Variants in PDS5A observed in about 807,000 individuals in gnomAD.
The protein encoded by PDS5A is PDS5 cohesin associated factor A, also known as sister chromatid cohesion protein PDS5 homolog A.
PDS5A carries 42 observed loss-of-function variants against 167.1 expected under a neutral mutation model. The observed-to-expected ratio is 0.25, with a 90% CI of 0.20 to 0.33. The LOEUF is 0.33. Ranked by LOEUF, PDS5A falls within the 10% of genes least tolerant of loss-of-function variation. The pLI is 1.00. For missense variants in PDS5A, 1,033 were observed against 1,605.9 expected (o/e 0.64, Z 6.10); for synonymous variants, 553 against 554.6 (o/e 1.00, Z 0.04).
chr4:39,925,708 T>C (rs1171382934), intron 5 of PDS5A, 128 bp downstream of exon 5: 4 of 372,172 alleles, frequency 1.1e-5, no homozygotes, highest in South Asian at 9.6e-5. Context: ...TTCCCCTTTA[T>C]GTTAAGTTTT....
In PDS5A at chr4:39,935,156, G is replaced by A. The variant is rs544872771; in HGVS notation, c.139-6992C>T. Among the ~76,000 whole-genome samples, 4 of 152,318 alleles carry A rather than the reference G, an allele frequency of 2.6e-5. No individual in the cohort carries two copies. The East Asian group carries it at 7.7e-4, about 29-fold the overall frequency. ...ATTGATTGATTGACTGATTGGGACG[G>A]AGTCTCACTCTGTTGCCTAGGCTGG... On this transcript the variant is annotated intron_variant, in intron 2 of 32. Coordinates refer to ENST00000303538, the MANE Select transcript of PDS5A (RefSeq NM_001100399.2).
At chr4:39,829,615 C>G (rs913095071) in intron 32 of PDS5A, among the ~76,000 whole-genome samples, 1 of 151,126 alleles carries the variant, frequency 6.6e-6, no homozygotes, top group South Asian at 2.1e-4. Flanking sequence ...CCACTACACT[C>G]CAGCCTGGGT....
intron 2 of PDS5A, among the ~76,000 whole-genome samples, chr4:39,937,646 T>C (rs567904029): frequency 1.3e-5 from 2 of 152,336 alleles, no homozygotes; most frequent in Non-Finnish European, 1.5e-5. Flanking sequence ...CTCCAACTCT[T>C]GGCCTCAGGT....
rs1723098982 is a variant in PDS5A, at chr4:39,904,041, TGTC to T, written c.1381_1383del (p.Asp461del). ...ATTCTACCAACATATTAAACTCACT[TGTC>T]GTCAATGCTGTTCTGATAATAAATA... On this transcript the variant is annotated inframe_deletion and splice_region_variant, in exon 12 of 33. Coordinates refer to ENST00000303538, the MANE Select transcript of PDS5A (RefSeq NM_001100399.2). The T allele has an allele frequency of 6.3e-7, 1 of 1,584,260 alleles. No individual in the cohort carries two copies. The highest frequency in any genetic ancestry group is 8.6e-7 in the Non-Finnish European group (1 of 1,164,668).
chr4:39,863,815 A>T (rs777094082), intron 23 of PDS5A, among the ~76,000 whole-genome samples: 2 of 152,172 alleles, frequency 1.3e-5, no homozygotes, highest in East Asian at 3.8e-4. Context: ...TTTTAAGAGA[A>T]ATACATATTG....
In PDS5A at chr4:39,948,444, C is replaced by T. The variant is rs1477888927; in HGVS notation, c.139-20280G>A. Among the ~76,000 whole-genome samples, 3 of 150,374 alleles carry T rather than the reference C, an allele frequency of 2.0e-5. No individual in the cohort carries two copies. The East Asian group carries it at 5.9e-4, about 29-fold the overall frequency. On this transcript the variant is annotated intron_variant, in intron 2 of 32. Transcript: ENST00000303538. ...GGGTTCAAGCAATTCTCTGCCTCAG[C>T]CTCCCGAGTAGCTGGGTTTATAGGC...
intron 30 of PDS5A, among the ~76,000 whole-genome samples, chr4:39,843,116 T>A (rs924451399): frequency 3.3e-5 from 5 of 151,184 alleles, no homozygotes; most frequent in Non-Finnish European, 7.4e-5. Flanking sequence ...CTCCAGTGAT[T>A]ATCCTTCCTC....
intron 26 of PDS5A, among the ~76,000 whole-genome samples, chr4:39,855,193 G>A (rs1242438849): frequency 2.0e-5 from 3 of 152,110 alleles, no homozygotes; most frequent in Admixed American, 6.6e-5. Flanking sequence ...GGAGGAAGAG[G>A]GGATGAACCT....
chr4:39,898,199 T>C, intron 16 of PDS5A, 190 bp downstream of exon 16: 2 of 1,267,184 alleles, frequency 1.6e-6, no homozygotes, highest in South Asian at 6.7e-5. Context: ...TCTTTAGTTA[T>C]TTTCCTGGAA....
chr4:39,827,655 C>T (rs1341643664), intron 32 of PDS5A, among the ~76,000 whole-genome samples: 5 of 152,116 alleles, frequency 3.3e-5, no homozygotes, highest in Admixed American at 6.5e-5. Context: ...CAAATGAGCA[C>T]AAAAACTCAG....
Position 39,825,262 on chromosome 4 carries a change from T to G in PDS5A, c.*223A>C. On this transcript the variant is annotated 3_prime_UTR_variant, in exon 33 of 33. Transcript: ENST00000303538. Reference sequence around the variant, plus strand: ...GTCTAGGGGAAGGGGGAGAACAGAGTTGCTTTTAGCCTCTCTCTCAAGAGT... The same window carrying G: ...GTCTAGGGGAAGGGGGAGAACAGAGGTGCTTTTAGCCTCTCTCTCAAGAGT... 2.4e-6 allele frequency: 1 copy of G among 413,848 alleles called. No homozygotes were observed. Among genetic ancestry groups the G allele is most frequent in the Non-Finnish European group, 4.3e-6 (1 of 232,554 alleles). The allele number at this position is 413,848 out of a possible 1,614,324, so 25.6% of individuals were successfully genotyped here.
At chr4:39,939,093 T>C (rs1422507535) in intron 2 of PDS5A, among the ~76,000 whole-genome samples, 1 of 151,922 alleles carries the variant, frequency 6.6e-6, no homozygotes, top group Non-Finnish European at 1.5e-5. Flanking sequence ...GCCAGTCATG[T>C]TGGCCAATAC....
intron 6 of PDS5A, among the ~76,000 whole-genome samples, 171 bp downstream of exon 6, chr4:39,922,451 T>A (rs1446443081): frequency 6.6e-6 from 1 of 152,250 alleles, no homozygotes; most frequent in Non-Finnish European, 1.5e-5. Flanking sequence ...TTAATCAATA[T>A]ATTTTGTAAA....
intron 30 of PDS5A, among the ~76,000 whole-genome samples, 156 bp from the exon 31 acceptor site, chr4:39,842,212 C>T (rs937074243): frequency 1.3e-5 from 2 of 152,170 alleles, no homozygotes; most frequent in Non-Finnish European, 2.9e-5. Flanking sequence ...TAGACTATTG[C>T]TTTAAAAATA....
intron 8 of PDS5A, 104 bp from the exon 9 acceptor site, chr4:39,913,830 AACT>A: frequency 1.4e-6 from 1 of 704,214 alleles, no homozygotes; most frequent in Non-Finnish European, 2.5e-6. Flanking sequence ...TTCTGCTTAT[AACT>A]GTGAGAAGTT....
chr4:39,948,336 G>A (rs1350741545), intron 2 of PDS5A, among the ~76,000 whole-genome samples: 1 of 36,752 alleles, frequency 2.7e-5, no homozygotes. Flanking sequence ...TTTTTTTTTT[G>A]AGATGGAGTC....
intron 2 of PDS5A, among the ~76,000 whole-genome samples, chr4:39,974,721 TTAG>T (rs1453347333): frequency 2.6e-5 from 4 of 152,036 alleles, no homozygotes; most frequent in African/African-American, 9.7e-5. Flanking sequence ...TTTTGTATTT[TTAG>T]TAGAACTCCA....
At chr4:39,906,378 A>G (rs1034647184) in intron 11 of PDS5A, among the ~76,000 whole-genome samples, 2 of 152,130 alleles carry the variant, frequency 1.3e-5, no homozygotes, top group Non-Finnish European at 2.9e-5. Context: ...AAACAAAAAA[A>G]AAAAACCTTA....
intron 2 of PDS5A, among the ~76,000 whole-genome samples, chr4:39,931,110 A>G (rs1380986067): frequency 6.6e-6 from 1 of 152,052 alleles, no homozygotes; most frequent in Non-Finnish European, 1.5e-5. Flanking sequence ...CAGTTCCAAG[A>G]CAAGGGTCTG....
Sources: allele counts gnomAD v4.1 joint callset (sites outside exome capture counted in the v4.1 genomes callset), GRCh38; gene constraint gnomAD v4.1.1; transcripts MANE v1.5; gene names NCBI Gene and HGNC (gene_info 2026-07-23, HGNC 2026-07-21).